FHIT: variants seen among roughly 807,000 people sequenced by gnomAD.
FHIT encodes bis(5'-adenosyl)-triphosphatase.
A neutral mutation model predicts 17.9 loss-of-function variants in FHIT; 19 were observed. The ratio of observed to expected loss-of-function variants is 1.06; its 90% CI spans 0.74 to 1.56. The LOEUF is 1.56. FHIT is among the 40% of genes most tolerant of loss of function. The probability of loss-of-function intolerance (pLI) is 0.00; values close to 1 mark genes in which losing one functional copy is unlikely to be tolerated. For missense variants in FHIT, 248 were observed against 189.2 expected (o/e 1.31, Z -1.82); for synonymous variants, 81 against 69.7 (o/e 1.16, Z -0.81).
intron 4 of FHIT, among the ~76,000 whole-genome samples, chr3:60,735,888 GA>G (rs2042123824): frequency 6.6e-6 from 1 of 152,190 alleles, no homozygotes; most frequent in Admixed American, 6.5e-5. Flanking sequence ...CTAAGTGAGA[GA>G]ACTTAAATTC....
rs183019348 is a variant in FHIT, at chr3:60,759,940, T to C, written c.-18+61979A>G. 1.6e-3 allele frequency among the ~76,000 whole-genome samples: 238 copies of C among 152,212 alleles called. 2 individuals carry two copies. The highest frequency in any genetic ancestry group is 0.012 in the South Asian group (59 of 4,816). ...TCTTTTCCCTTCCTTCCTTCCTGCT[T>C]TCCTTTTTTCCTTCCTTCCTGCTTG... On this transcript the variant is annotated intron_variant, in intron 4 of 9. Transcript: ENST00000492590.
At chr3:59,847,910 T>C (rs1362912925) in intron 8 of FHIT, among the ~76,000 whole-genome samples, 2 of 152,088 alleles carry the variant, frequency 1.3e-5, no homozygotes, top group Non-Finnish European at 2.9e-5. Flanking sequence ...TAGTTTTCAA[T>C]ATCTGGGTCC....
At chr3:59,899,423 C>T (rs191076812) in intron 8 of FHIT, among the ~76,000 whole-genome samples, 10 of 152,294 alleles carry the variant, frequency 6.6e-5, no homozygotes, top group Non-Finnish European at 1.3e-4. Flanking sequence ...AAGGAGCCCT[C>T]ATCTAGGGAG....
At chr3:60,037,417 C>G (rs938473034) in intron 5 of FHIT, among the ~76,000 whole-genome samples, 3 of 143,402 alleles carry the variant, frequency 2.1e-5, no homozygotes, top group Non-Finnish European at 4.5e-5. Flanking sequence ...GAGACGGAGT[C>G]TTGCTCTGTC....
At chr3:60,057,711 T>C (rs1702137159) in intron 5 of FHIT, among the ~76,000 whole-genome samples, 1 of 151,868 alleles carries the variant, frequency 6.6e-6, no homozygotes, top group Non-Finnish European at 1.5e-5. Context: ...AAAAAAAGTA[T>C]TGGCAAACTG....
chr3:59,788,826 G>T (rs1699418725), intron 8 of FHIT, among the ~76,000 whole-genome samples: 1 of 140,262 alleles, frequency 7.1e-6, no homozygotes, highest in African/African-American at 2.6e-5. Context: ...TATGAGGCTA[G>T]GTCTCCTCTC....
rs116120958 is a variant in FHIT, at chr3:60,897,840, C to G, written c.-110-75829G>C. Among the ~76,000 whole-genome samples, 703 of 152,248 alleles carry G rather than the reference C, an allele frequency of 4.6e-3. 9 individuals are homozygous for G. The highest frequency in any genetic ancestry group is 0.016 in the African/African-American group (654 of 41,544). On this transcript the variant is annotated intron_variant, in intron 3 of 9. Coordinates refer to ENST00000492590, the MANE Select transcript of FHIT (RefSeq NM_002012.4). The stretch of plus-strand genomic sequence containing the variant: ...TCATCATAACCATAGGAATCTTTCT[C>G]TAGAGCAAATAAGAATTAGTAGTAC...
intron 5 of FHIT, among the ~76,000 whole-genome samples, chr3:60,036,500 C>T (rs1445128944): frequency 6.6e-6 from 1 of 152,048 alleles, no homozygotes; most frequent in Non-Finnish European, 1.5e-5. Context: ...CTTCGAATAC[C>T]CTGGAGGCTA....
chr3:59,826,329 T>G (rs902493811), intron 8 of FHIT, among the ~76,000 whole-genome samples: 4 of 152,230 alleles, frequency 2.6e-5, no homozygotes, highest in African/African-American at 7.2e-5. Flanking sequence ...TCACCCTACT[T>G]TAAAATTGTA....
chr3:60,551,129 A>G (rs2036532226), intron 4 of FHIT, among the ~76,000 whole-genome samples: 1 of 151,986 alleles, frequency 6.6e-6, no homozygotes, highest in Admixed American at 6.6e-5. Context: ...AGAGGAATGG[A>G]AAGAAGAGTG....
At chr3:60,870,043 C>T (rs1575622072) in intron 3 of FHIT, among the ~76,000 whole-genome samples, 1 of 152,016 alleles carries the variant, frequency 6.6e-6, no homozygotes, top group Non-Finnish European at 1.5e-5. Context: ...AGAAATAATC[C>T]ACCATAGTGC....
intron 7 of FHIT, among the ~76,000 whole-genome samples, chr3:59,995,207 A>G (rs2107484048): frequency 6.6e-6 from 1 of 152,218 alleles, no homozygotes; most frequent in Middle Eastern, 3.4e-3. Context: ...ATTTAGAAAA[A>G]AAAAACAACA....
intron 8 of FHIT, among the ~76,000 whole-genome samples, chr3:59,825,298 T>C (rs4679615): frequency 0.73 from 111,102 of 152,142 alleles, 42,479 homozygotes; most frequent in East Asian, 0.97. Flanking sequence ...TCATTTTCTT[T>C]TCGAGTATGC....
In FHIT at chr3:61,153,399, T is replaced by G. The variant is rs116289526; in HGVS notation, c.-164+47218A>C. Among the ~76,000 whole-genome samples the G allele has an allele frequency of 4.9e-3, 739 of 152,212 alleles. 8 individuals are homozygous for G. The highest frequency in any genetic ancestry group is 0.016 in the African/African-American group (682 of 41,532). ...CTTCTTTAAATAGAGGAAATACAATTTTTAAAGGGTAGAAAAGAGTGTGTA... is the reference window on the plus strand; with the variant it reads ...CTTCTTTAAATAGAGGAAATACAATGTTTAAAGGGTAGAAAAGAGTGTGTA... On this transcript the variant is annotated intron_variant, in intron 2 of 9. Transcript: ENST00000492590.
intron 3 of FHIT, among the ~76,000 whole-genome samples, chr3:61,029,229 C>T (rs978781933): frequency 6.6e-6 from 1 of 152,092 alleles, no homozygotes; most frequent in African/African-American, 2.4e-5. Flanking sequence ...TAAATACTAA[C>T]AACACCTAAA....
intron 3 of FHIT, among the ~76,000 whole-genome samples, chr3:60,924,107 G>C (rs1171113485): frequency 2.0e-5 from 3 of 152,222 alleles, no homozygotes; most frequent in African/African-American, 7.2e-5. Flanking sequence ...AGGCCTGCCT[G>C]CCTCTGTAGA....
intron 3 of FHIT, among the ~76,000 whole-genome samples, chr3:61,040,744 C>T (rs2033467671): frequency 6.6e-6 from 1 of 152,164 alleles, no homozygotes; most frequent in African/African-American, 2.4e-5. Context: ...CAGAAGAACA[C>T]TTTCAGACAT....
chr3:59,929,439 C>T (rs915787860), intron 7 of FHIT, among the ~76,000 whole-genome samples: 2 of 135,754 alleles, frequency 1.5e-5, no homozygotes, highest in Admixed American at 8.1e-5. Flanking sequence ...GGCACGATCT[C>T]GGCTCACTGC....
intron 5 of FHIT, among the ~76,000 whole-genome samples, chr3:60,316,361 TA>T (rs1709164363): frequency 6.6e-6 from 1 of 152,192 alleles, no homozygotes; most frequent in Non-Finnish European, 1.5e-5. Flanking sequence ...AACATGACAG[TA>T]TAAGTGCAAT....
Sources: gnomAD v4.1 joint callset for allele counts (sites outside exome capture counted in the v4.1 genomes callset) on GRCh38, gnomAD v4.1.1 for gene constraint, MANE v1.5 for transcripts, NCBI Gene and HGNC (gene_info 2026-07-23, HGNC 2026-07-21) for gene names.